Variants in DNER observed in about 807,000 individuals in gnomAD.
DNER encodes delta and Notch-like epidermal growth factor-related receptor.
In DNER, 33 loss-of-function variants were observed where a neutral mutation model predicts 78.2. The observed-to-expected ratio is 0.42, with a 90% CI of 0.32 to 0.56. The LOEUF (loss-of-function observed/expected upper bound fraction) is 0.56, where lower values mean the gene tolerates loss of function less well. Ranked by LOEUF, DNER falls within the 20% of genes least tolerant of loss-of-function variation. DNER has a pLI of 0.11. For synonymous variants in DNER, 417 were observed against 384.8 expected, an observed-to-expected ratio of 1.08 and a Z score of -0.98; for missense variants, 918 against 975.3, an observed-to-expected ratio of 0.94 and a Z score of 0.78.
chr2:229,617,650 A>C (rs888575837), intron 1 of DNER, among the ~76,000 whole-genome samples: 1 of 152,252 alleles, frequency 6.6e-6, no homozygotes, highest in African/African-American at 2.4e-5. Flanking sequence ...AAGCATGAAA[A>C]GAGTCCCAGG....
chr2:229,695,151 A>T (rs1699642744), intron 1 of DNER, among the ~76,000 whole-genome samples: 1 of 152,032 alleles, frequency 6.6e-6, no homozygotes, highest in African/African-American at 2.4e-5. Flanking sequence ...ATGATTGTAA[A>T]TTTCCTGAGG....
intron 12 of DNER, among the ~76,000 whole-genome samples, chr2:229,359,390 C>T (rs902745161): frequency 4.6e-5 from 7 of 152,092 alleles, no homozygotes; most frequent in African/African-American, 1.4e-4. Context: ...TCAAACCTGT[C>T]GTAAGGTGGC....
In DNER at chr2:229,357,695, A is replaced by G. The variant is rs1468378773; in HGVS notation, c.*845T>C. On this transcript the variant is annotated 3_prime_UTR_variant, in exon 13 of 13. Coordinates refer to ENST00000341772, the MANE Select transcript of DNER (RefSeq NM_139072.4). ...GCAAGAATCAGAAGAAGCACATATC[A>G]ATCAAATACAGCCACAAAAACATCC... 2.6e-5 allele frequency: 4 copies of G among 152,242 alleles called. No individual in the cohort carries two copies. Among genetic ancestry groups the G allele is most frequent in the Non-Finnish European group, 5.9e-5 (4 of 68,048 alleles). 9.4% of individuals were successfully genotyped at this position (152,242 alleles called of 1,614,324 possible). A position where few individuals can be genotyped will look rare whatever the true frequency, so the allele number is the denominator to read the frequency against.
chr2:229,614,031 T>TG (rs757661639), intron 1 of DNER, among the ~76,000 whole-genome samples: 2 of 45,640 alleles, frequency 4.4e-5, no homozygotes, highest in Admixed American at 2.7e-4. Flanking sequence ...TGTTGTGGGG[T>TG]GGGGGGGAGC....
At chr2:229,387,516 AAAGAAAG>A (rs1205372649) in intron 11 of DNER, among the ~76,000 whole-genome samples, 1,691 of 93,728 alleles carry the variant, frequency 0.018, 25 homozygotes, top group Middle Eastern at 0.049. Context: ...AGAGAGAAAG[AAAGAAAG>A]AAAGAAAGAA....
At chr2:229,610,126 G>C (rs144555213) in intron 1 of DNER, among the ~76,000 whole-genome samples, 50 of 152,296 alleles carry the variant, frequency 3.3e-4, no homozygotes, top group Middle Eastern at 6.8e-3. Context: ...TTGTTTTGAC[G>C]ATGGAAGATT....
intron 5 of DNER, among the ~76,000 whole-genome samples, chr2:229,533,269 A>G (rs1354113599): frequency 6.6e-6 from 1 of 152,212 alleles, no homozygotes; most frequent in Non-Finnish European, 1.5e-5. Flanking sequence ...GGACTCCCTG[A>G]GATCCTTTCA....
At position 229,571,010 on chromosome 2, in the gene DNER, G is replaced by A. The variant is rs768384291; in HGVS notation, c.847+14848C>T. Among the ~76,000 whole-genome samples, 12 of 152,142 alleles carry A rather than the reference G, an allele frequency of 7.9e-5. 1 individual carries two copies. The highest frequency in any genetic ancestry group is 7.9e-4 in the Admixed American group (12 of 15,262). ...TGTGAGCAGAGATGAGACATAAAAT[G>A]GTCCTCCCCAAATATGGTCCCAGTT... On this transcript the variant is annotated intron_variant, in intron 4 of 12. Transcript: ENST00000341772.
At chr2:229,683,633 C>T (rs554285926) in intron 1 of DNER, among the ~76,000 whole-genome samples, 4 of 152,000 alleles carry the variant, frequency 2.6e-5, no homozygotes, top group South Asian at 4.2e-4. Flanking sequence ...ATGATGGTGA[C>T]GATGATGATG....
At chr2:229,537,041 C>G (rs1408365393) in intron 5 of DNER, among the ~76,000 whole-genome samples, 1 of 152,128 alleles carries the variant, frequency 6.6e-6, no homozygotes, top group Admixed American at 6.5e-5. Flanking sequence ...GAGACCCCTG[C>G]CTTTAGTGCG....
In DNER at chr2:229,366,878, A is replaced by G. The variant is rs1225482814; in HGVS notation, c.2097T>C (p.His699=). ...EFSNAIASIR[H]ARFGKKSRPA... ...ACGCCGCCCCCACAGCCAACCTGGCATGCCGGATGGATGCAATGGCATTGC... is the reference window on the plus strand; with the variant it reads ...ACGCCGCCCCCACAGCCAACCTGGCGTGCCGGATGGATGCAATGGCATTGC... The change falls in exon 12 of 13, where the codon CAT becomes CAC. Residue 699 remains histidine (H), a synonymous_variant. Transcript: ENST00000341772. 6.2e-7 allele frequency: 1 copy of G among 1,614,178 alleles called. No individual in the cohort carries two copies. Among genetic ancestry groups the G allele is most frequent in the East Asian group, 2.2e-5 (1 of 44,884 alleles).
intron 1 of DNER, among the ~76,000 whole-genome samples, chr2:229,620,331 T>C (rs1304922669): frequency 3.3e-5 from 5 of 152,250 alleles, no homozygotes; most frequent in Non-Finnish European, 7.3e-5. Context: ...TTAATCTTTT[T>C]TCATGTATCT....
At chr2:229,697,554 A>G (rs1169663725) in intron 1 of DNER, among the ~76,000 whole-genome samples, 1 of 152,244 alleles carries the variant, frequency 6.6e-6, no homozygotes, top group Admixed American at 6.5e-5. Context: ...TTTATGATAC[A>G]GAGAATTGGA....
At chr2:229,623,770 C>T (rs1414132221) in intron 1 of DNER, among the ~76,000 whole-genome samples, 1 of 152,202 alleles carries the variant, frequency 6.6e-6, no homozygotes, top group Non-Finnish European at 1.5e-5. Context: ...TCTGGTCCCA[C>T]TGCAGTGGGT....
At chr2:229,434,739 A>G (rs1030224608) in intron 8 of DNER, among the ~76,000 whole-genome samples, 7 of 152,138 alleles carry the variant, frequency 4.6e-5, no homozygotes, top group Admixed American at 2.0e-4. Context: ...AACAAGGCTC[A>G]ATCTATATGG....
chr2:229,374,562 T>C (rs1352568731), intron 11 of DNER, among the ~76,000 whole-genome samples: 2 of 152,188 alleles, frequency 1.3e-5, no homozygotes, highest in Non-Finnish European at 2.9e-5. Context: ...ACTCACCTAT[T>C]CCTCCTACAA....
chr2:229,398,520 C>G lies in DNER; in HGVS notation c.1723+8712G>C, dbSNP rs74801510. On this transcript the variant is annotated intron_variant, in intron 10 of 12. Transcript: ENST00000341772. ...CCAAGAAGCTAGTTTTACTTCAATA[C>G]CAAAACTAGACAAATACATAATAAC... is the stretch of plus-strand genomic sequence containing the variant. Among the ~76,000 whole-genome samples the G allele has an allele frequency of 2.2e-3, 341 of 152,138 alleles. 1 individual carries two copies. Among genetic ancestry groups the G allele is most frequent in the Non-Finnish European group, 3.6e-3 (243 of 67,930 alleles).
intron 7 of DNER, among the ~76,000 whole-genome samples, chr2:229,453,203 C>T (rs532840521): frequency 6.6e-6 from 1 of 152,308 alleles, no homozygotes; most frequent in East Asian, 1.9e-4. Context: ...CTATGCAAAG[C>T]ACTTGGCACA....
intron 7 of DNER, among the ~76,000 whole-genome samples, chr2:229,476,292 A>G (rs1370989351): frequency 6.6e-6 from 1 of 152,164 alleles, no homozygotes; most frequent in Non-Finnish European, 1.5e-5. Flanking sequence ...GGAGAACCCA[A>G]GCACTTCCGT....
Sources: gnomAD v4.1 joint callset for allele counts (sites outside exome capture counted in the v4.1 genomes callset) on GRCh38, gnomAD v4.1.1 for gene constraint, MANE v1.5 for transcripts, NCBI Gene and HGNC (gene_info 2026-07-23, HGNC 2026-07-21) for gene names.